The following PLXDC1 variants were observed in gnomAD, a reference collection of about 807,000 sequenced individuals.
PLXDC1 encodes plexin domain containing 1.
Under a neutral mutation model 61.3 loss-of-function variants are expected in PLXDC1, and 39 were observed. That is an observed-to-expected ratio of 0.64 (90% CI 0.49 to 0.83). The LOEUF (loss-of-function observed/expected upper bound fraction) is 0.83. PLXDC1 is among the 40% of genes least tolerant of loss of function. The pLI is 0.00. For missense variants in PLXDC1, 596 were observed against 666.5 expected, an observed-to-expected ratio of 0.89 and a Z score of 1.17; for synonymous variants, 212 against 254.5, an observed-to-expected ratio of 0.83 and a Z score of 1.59.
chr17:39,134,211 G>A (rs1009546597), intron 2 of PLXDC1, among the ~76,000 whole-genome samples: 6 of 151,198 alleles, frequency 4.0e-5, no homozygotes, highest in Admixed American at 2.6e-4. Context: ...CCGAGATCGT[G>A]CCACTGCACT....
chr17:39,068,094 C>A, intron 13 of PLXDC1, 135 bp from the exon 14 acceptor site: 1 of 747,542 alleles, frequency 1.3e-6, no homozygotes, highest in African/African-American at 1.8e-5. Context: ...AGGAGCCACA[C>A]AACTGACCTT....
rs1908820423 is a variant in PLXDC1 at position 39,064,444 on chromosome 17, A to C, written c.*3396T>G. 1.3e-5 allele frequency: 2 copies of C among 152,150 alleles called. No individual in the cohort carries two copies. Among genetic ancestry groups the C allele is most frequent in the Admixed American group, 1.3e-4 (2 of 15,268 alleles). The allele number at this position is 152,150 out of a possible 1,614,324, so 9.4% of individuals were successfully genotyped here. A position where few individuals can be genotyped will look rare whatever the true frequency, so the allele number is the denominator to read the frequency against. On this transcript the variant is annotated 3_prime_UTR_variant, in exon 14 of 14. Transcript: ENST00000315392. ...TCAAATTTAGCTGGTTTGCAGGGGG[A>C]GTTCTTTCCCAGTGATGAGTTGGGG...
intron 2 of PLXDC1, among the ~76,000 whole-genome samples, chr17:39,119,491 T>C (rs1911090674): frequency 6.6e-6 from 1 of 152,228 alleles, no homozygotes. Context: ...AGGCCTGTAA[T>C]GCTGGTACTT....
chr17:39,079,578 G>A (rs534311118), intron 9 of PLXDC1: 106 of 457,016 alleles, frequency 2.3e-4, no homozygotes, highest in Non-Finnish European at 3.4e-4. Flanking sequence ...AGCAGACTTA[G>A]TCAACACCTC....
chr17:39,109,424 T>A, intron 2 of PLXDC1, 33 bp from the exon 3 acceptor site: 1 of 1,557,676 alleles, frequency 6.4e-7, no homozygotes. Context: ...CCACAGGAGG[T>A]GTGAGTAGTC....
chr17:39,085,091 G>A (rs1909694001), intron 8 of PLXDC1, among the ~76,000 whole-genome samples: 1 of 152,242 alleles, frequency 6.6e-6, no homozygotes, highest in Non-Finnish European at 1.5e-5. Flanking sequence ...AACATTGCAT[G>A]TGTTTCTTCC....
chr17:39,087,575 C>T (rs557633419), intron 8 of PLXDC1, 32 bp downstream of exon 8: 1 of 1,542,388 alleles, frequency 6.5e-7, no homozygotes, highest in South Asian at 1.1e-5. Flanking sequence ...CTCCAGAGCT[C>T]TTTCTGGGAT....
chr17:39,122,949 G>T (rs1911211098), intron 2 of PLXDC1, among the ~76,000 whole-genome samples: 1 of 152,306 alleles, frequency 6.6e-6, no homozygotes, highest in East Asian at 1.9e-4. Context: ...AAGGGTTGGA[G>T]CCTAGCTTGC....
chr17:39,097,709 A>G (rs1910257520), intron 7 of PLXDC1, among the ~76,000 whole-genome samples: 1 of 147,018 alleles, frequency 6.8e-6, no homozygotes, highest in African/African-American at 2.6e-5. Flanking sequence ...ATTTGTCTTT[A>G]CAAATAATAA....
intron 2 of PLXDC1, among the ~76,000 whole-genome samples, chr17:39,136,059 C>T (rs1259660948): frequency 6.6e-6 from 1 of 152,164 alleles, no homozygotes; most frequent in Non-Finnish European, 1.5e-5. Context: ...AGTTATTCAA[C>T]CAATGGCCCA....
Position 39,116,154 on chromosome 17 carries a change from A to G in PLXDC1, c.256-6763T>C, listed in dbSNP as rs534971157. ...AAATAAAAAGAAATAATGTAACTGT[A>G]TGAAACCAGGTCAGTTCCACTCAAA... On this transcript the variant is annotated intron_variant, in intron 2 of 13. Transcript: ENST00000315392. 1.1e-4 allele frequency among the ~76,000 whole-genome samples: 16 copies of G among 152,290 alleles called. No homozygotes were observed. The South Asian group carries it at 3.1e-3, about 30-fold the overall frequency.
At chr17:39,077,199 G>A (rs1909373365) in intron 11 of PLXDC1, among the ~76,000 whole-genome samples, 1 of 152,126 alleles carries the variant, frequency 6.6e-6, no homozygotes, top group Non-Finnish European at 1.5e-5. Flanking sequence ...GGATAAGGGA[G>A]AGGAATGTCT....
chr17:39,116,031 A>G (rs1452132639), intron 2 of PLXDC1, among the ~76,000 whole-genome samples: 1 of 152,130 alleles, frequency 6.6e-6, no homozygotes, highest in Non-Finnish European at 1.5e-5. Flanking sequence ...AGTATATTCA[A>G]TTGCTTGAAT....
chr17:39,090,429 G>A (rs1036630174), intron 7 of PLXDC1, among the ~76,000 whole-genome samples: 1 of 152,184 alleles, frequency 6.6e-6, no homozygotes, highest in African/African-American at 2.4e-5. Flanking sequence ...GCTCCAGGCC[G>A]AGTGGAAAGG....
rs35347559 is a variant in PLXDC1 at position 39,080,278 on chromosome 17, T to TA, written c.990-1115dup. 6.3e-3 allele frequency: 930 copies of TA among 148,258 alleles called. 25 individuals carry two copies. In the East Asian group the frequency reaches 0.092, roughly 15 times the overall value. 9.2% of individuals were successfully genotyped at this position (148,258 alleles called of 1,614,324 possible). On this transcript the variant is annotated intron_variant, in intron 9 of 13. Transcript: ENST00000315392. ...GGTGACAGAGCAAGACCCTGTCTCT[T>TA]AAAAAAAAAAAATAGTTTCTTTTAG...
chr17:39,114,994 C>T (rs749221732), intron 2 of PLXDC1, among the ~76,000 whole-genome samples: 2 of 152,252 alleles, frequency 1.3e-5, no homozygotes, highest in Non-Finnish European at 2.9e-5. Flanking sequence ...TCAGCTAAGA[C>T]TGCAAAGCGT....
intron 2 of PLXDC1, among the ~76,000 whole-genome samples, chr17:39,120,758 AT>A (rs57148436): frequency 0.021 from 2,569 of 124,328 alleles, 34 homozygotes; most frequent in East Asian, 0.13. Context: ...CACCCAGCTA[AT>A]TTTTTTTTTT....
intron 11 of PLXDC1, 86 bp from the exon 12 acceptor site, chr17:39,072,571 G>T: frequency 1.1e-6 from 1 of 882,166 alleles, no homozygotes; most frequent in Non-Finnish European, 1.9e-6. Flanking sequence ...TGAAAGTTCA[G>T]CCCAAACTTT....
Position 39,067,859 on chromosome 17 carries a change from A to G in PLXDC1, c.1484T>C (p.Met495Thr). 1 of 1,614,038 alleles carries G rather than the reference A, an allele frequency of 6.2e-7. No homozygotes were observed. ...EPSGHEKEGF[M>T]EAEQC The stretch of plus-strand genomic sequence containing the variant: ...GTGTTCTCAGCACTGCTCAGCCTCC[A>G]TGAAGCCCTCCTTCTCATGGCCCGA... Residue 495 changes from methionine to threonine, a missense_variant, in exon 14 of 14, where the codon ATG (methionine) becomes ACG (threonine). Met to Thr is a moderately conservative substitution (Grantham distance 81, BLOSUM62 -1). Transcript: ENST00000315392.
Sources: allele counts gnomAD v4.1 joint callset (sites outside exome capture counted in the v4.1 genomes callset), GRCh38; gene constraint gnomAD v4.1.1; transcripts MANE v1.5; gene names NCBI Gene and HGNC (gene_info 2026-07-23, HGNC 2026-07-21).